RNF130: variants seen among roughly 807,000 people sequenced by gnomAD.
RNF130 encodes ring finger protein 130.
In RNF130, 21 loss-of-function variants were observed where a neutral mutation model predicts 44.6. The ratio of observed to expected loss-of-function variants is 0.47; its 90% confidence interval spans 0.33 to 0.68. The LOEUF (loss-of-function observed/expected upper bound fraction) is 0.68. RNF130 is among the 30% of genes least tolerant of loss of function. RNF130 has a pLI of 0.02. For missense variants in RNF130, 479 were observed against 560.6 expected (o/e 0.85, Z 1.47); for synonymous variants, 214 against 210.4 (o/e 1.02, Z -0.15).
chr5:179,918,740 TA>T (rs2113668152), exon 8 of RNF130: 1 of 152,322 alleles, frequency 6.6e-6, no homozygotes, highest in Admixed American at 6.5e-5. Flanking sequence ...CTAAGACCTT[TA>T]AAATCTGCAC....
At chr5:179,946,798 C>T (rs913417771) in intron 7 of RNF130, among the ~76,000 whole-genome samples, 7 of 152,196 alleles carry the variant, frequency 4.6e-5, no homozygotes, top group Non-Finnish European at 8.8e-5. Flanking sequence ...TCGTGATCCA[C>T]CAGCCTCGGC....
chr5:179,940,140 C>T (rs1425640266), intron 7 of RNF130: 5 of 155,136 alleles, frequency 3.2e-5, no homozygotes, highest in Non-Finnish European at 5.7e-5. Flanking sequence ...ATAGTGACCG[C>T]TGTGCTTAAC....
chr5:179,922,504 G>A (rs1761649198), intron 7 of RNF130, among the ~76,000 whole-genome samples: 1 of 151,564 alleles, frequency 6.6e-6, no homozygotes, highest in Non-Finnish European at 1.5e-5. Flanking sequence ...ATAGAGATGG[G>A]GTTTCACCAT....
intron 2 of RNF130, among the ~76,000 whole-genome samples, chr5:180,023,221 A>G (rs1763911745): frequency 6.6e-6 from 1 of 152,240 alleles, no homozygotes; most frequent in Non-Finnish European, 1.5e-5. Context: ...ATGATTACAG[A>G]TAGAAATATT....
chr5:179,932,417 C>G (rs1391953204), intron 7 of RNF130, among the ~76,000 whole-genome samples: 1 of 151,956 alleles, frequency 6.6e-6, no homozygotes, highest in African/African-American at 2.4e-5. Flanking sequence ...GCCACCACTC[C>G]CGGCTGATTT....
intron 8 of RNF130, among the ~76,000 whole-genome samples, chr5:179,957,334 C>T (rs1467042705): frequency 6.6e-6 from 1 of 152,180 alleles, no homozygotes; most frequent in Admixed American, 6.5e-5. Context: ...ACTGCTTGAA[C>T]CTGGGAGGCA....
At chr5:179,920,738 T>A (rs73338301) in intron 7 of RNF130, among the ~76,000 whole-genome samples, 6,310 of 151,490 alleles carry the variant, frequency 0.042, 431 homozygotes, top group African/African-American at 0.14. Flanking sequence ...CATGATCTTA[T>A]GGAGGACTGC....
intron 1 of RNF130, among the ~76,000 whole-genome samples, chr5:180,067,271 TATTA>T (rs1041104155): frequency 9.9e-5 from 15 of 152,224 alleles, no homozygotes; most frequent in African/African-American, 3.6e-4. Flanking sequence ...TCTTCATTCC[TATTA>T]ATTTTTTTAA....
intron 3 of RNF130, among the ~76,000 whole-genome samples, chr5:179,998,886 T>TATATATATATATATATATATATATA (rs1389273465): frequency 1.1e-4 from 12 of 105,800 alleles, no homozygotes; most frequent in Non-Finnish European, 1.5e-4. Flanking sequence ...TATATATATG[T>TATATATATATATATATATATATATA]TTTATATATC....
intron 3 of RNF130, among the ~76,000 whole-genome samples, chr5:179,982,802 C>T (rs1762868305): frequency 6.6e-6 from 1 of 152,026 alleles, no homozygotes; most frequent in African/African-American, 2.4e-5. Flanking sequence ...CAGGCTGGTC[C>T]GAAACTTCTT....
chr5:179,983,376 T>C (rs2113721720), intron 3 of RNF130, among the ~76,000 whole-genome samples: 1 of 150,752 alleles, frequency 6.6e-6, no homozygotes, highest in South Asian at 2.1e-4. Context: ...ACAATTGTTC[T>C]AGAATCATTT....
intron 2 of RNF130, among the ~76,000 whole-genome samples, chr5:180,022,951 G>A (rs1763906294): frequency 6.6e-6 from 1 of 152,198 alleles, no homozygotes. Context: ...AGGAAAGTGG[G>A]CTACAGAAGC....
At chr5:179,933,280 C>G (rs991304730) in intron 7 of RNF130, among the ~76,000 whole-genome samples, 4 of 152,004 alleles carry the variant, frequency 2.6e-5, no homozygotes, top group African/African-American at 9.7e-5. Flanking sequence ...CAATTTATTA[C>G]CTAGATGTAG....
intron 7 of RNF130, among the ~76,000 whole-genome samples, chr5:179,923,565 C>T (rs992553997): frequency 3.2e-4 from 49 of 152,222 alleles, no homozygotes; most frequent in Non-Finnish European, 1.0e-4. Context: ...CCAATCCCAG[C>T]GGCTGAGTTT....
intron 1 of RNF130, among the ~76,000 whole-genome samples, chr5:180,052,467 A>T (rs1764709041): frequency 6.6e-6 from 1 of 152,236 alleles, no homozygotes; most frequent in Non-Finnish European, 1.5e-5. Flanking sequence ...ACCACCCTTG[A>T]TCCAGAGCAG....
At chr5:179,926,029 T>C (rs1162744359) in intron 7 of RNF130, among the ~76,000 whole-genome samples, 3 of 152,134 alleles carry the variant, frequency 2.0e-5, no homozygotes, top group Non-Finnish European at 4.4e-5. Flanking sequence ...TTCTGATTGG[T>C]GCTCAGTGAC....
At chr5:180,021,455 C>G (rs557538869) in intron 2 of RNF130, among the ~76,000 whole-genome samples, 1 of 152,218 alleles carries the variant, frequency 6.6e-6, no homozygotes, top group South Asian at 2.1e-4. Context: ...TCTAAGATGT[C>G]ATGGAATACA....
intron 1 of RNF130, among the ~76,000 whole-genome samples, chr5:180,054,647 T>C (rs1431648045): frequency 1.3e-5 from 2 of 152,250 alleles, no homozygotes; most frequent in East Asian, 1.9e-4. Flanking sequence ...AGTTTTCAAA[T>C]TGAGAAATGT....
chr5:179,948,004 G>A (rs1762069908), intron 7 of RNF130, among the ~76,000 whole-genome samples: 1 of 152,148 alleles, frequency 6.6e-6, no homozygotes, highest in Non-Finnish European at 1.5e-5. Flanking sequence ...GGTGCAGGCT[G>A]TGCACATAGT....
Sources: gnomAD v4.1 joint callset for allele counts (sites outside exome capture counted in the v4.1 genomes callset) on GRCh38, gnomAD v4.1.1 for gene constraint, MANE v1.5 for transcripts, NCBI Gene and HGNC (gene_info 2026-07-23, HGNC 2026-07-21) for gene names.